The following RAPGEF2 variants were observed in gnomAD, a reference collection of about 807,000 sequenced individuals.
RAPGEF2 encodes the protein PDZ domain containing guanine nucleotide exchange factor (GEF) 1.
Under a neutral mutation model 186.7 loss-of-function variants are expected in RAPGEF2, and 54 were observed. The observed-to-expected ratio is 0.29, with a 90% CI of 0.23 to 0.36. The LOEUF (loss-of-function observed/expected upper bound fraction) is 0.36. Among genes scored for constraint, RAPGEF2 ranks in the 10% least tolerant of loss-of-function variants. The pLI is 1.00. For synonymous variants in RAPGEF2, 712 were observed against 705.9 expected (o/e 1.01, Z -0.14); for missense variants, 1,532 against 2,045.0 (o/e 0.75, Z 4.84).
chr4:159,222,916 TTA>T lies in RAPGEF2; in HGVS notation c.281+12351_281+12352del, dbSNP rs141718364. On this transcript the variant is annotated intron_variant, in intron 4 of 29. Coordinates refer to ENST00000691494, the MANE Select transcript of RAPGEF2 (RefSeq NM_001394067.2). ...AGGGACACTTTTATTATGAGTTGAA[TTA>T]TATATATATATATATATTTGAAGAC... is the stretch of plus-strand genomic sequence containing the variant. 5.9e-3 allele frequency among the ~76,000 whole-genome samples: 880 copies of T among 148,934 alleles called. 4 individuals are homozygous for T. Among genetic ancestry groups the T allele is most frequent in the Admixed American group, 8.2e-3 (122 of 14,962 alleles).
intron 6 of RAPGEF2, among the ~76,000 whole-genome samples, chr4:159,243,130 G>A (rs1464572222): frequency 6.7e-6 from 1 of 149,456 alleles, no homozygotes; most frequent in Non-Finnish European, 1.5e-5. Flanking sequence ...TTTTTTAAGT[G>A]GATTTTTAAG....
At chr4:159,351,276 CATCT>C (rs1731138896) in intron 26 of RAPGEF2, 1 of 1,305,870 alleles carries the variant, frequency 7.7e-7, no homozygotes, top group Non-Finnish European at 1.0e-6. Flanking sequence ...TCAAGTGCTC[CATCT>C]GAGTGATTTA....
At chr4:159,285,355 T>C (rs372667832) in intron 7 of RAPGEF2, among the ~76,000 whole-genome samples, 2 of 152,210 alleles carry the variant, frequency 1.3e-5, no homozygotes, top group African/African-American at 4.8e-5. Flanking sequence ...TTGATTTTAA[T>C]CTGAATTCTA....
intron 1 of RAPGEF2, among the ~76,000 whole-genome samples, chr4:159,166,395 T>C (rs1002642295): frequency 3.9e-5 from 6 of 152,192 alleles, no homozygotes; most frequent in Non-Finnish European, 8.8e-5. Context: ...AGACTGGGTG[T>C]GGCAGAGGCC....
Position 159,343,360 on chromosome 4 carries a change from A to G in RAPGEF2, c.3210A>G (p.Arg1070=). ...CAAAAGAAATTCGTCACGTTGGCCG[A>G]ATGGCTTCAGTGAACATGGACCCTG... ...MIAKEIRHVG[R]MASVNMDPAL... The change falls in exon 22 of 30, where the codon CGA becomes CGG. Residue 1070 remains arginine, a synonymous_variant. Coordinates refer to ENST00000691494, the MANE Select transcript of RAPGEF2 (RefSeq NM_001394067.2). 6.2e-7 allele frequency: 1 copy of G among 1,614,084 alleles called. No individual in the cohort carries two copies. The highest frequency in any genetic ancestry group is 8.5e-7 in the Non-Finnish European group (1 of 1,179,940).
chr4:159,342,563 T>TTTATA (rs1248703599), intron 20 of RAPGEF2, among the ~76,000 whole-genome samples: 1,044 of 94,224 alleles, frequency 0.011, 13 homozygotes, highest in African/African-American at 0.034. Flanking sequence ...ATTATTTTAT[T>TTTATA]TTATTTTATT....
chr4:159,356,549 G>A (rs1732039553), intron 29 of RAPGEF2, among the ~76,000 whole-genome samples: 1 of 152,162 alleles, frequency 6.6e-6, no homozygotes, highest in Admixed American at 6.5e-5. Context: ...GTGTTTATAT[G>A]ACTTGATTTC....
chr4:159,290,922 A>G (rs1477691810), intron 7 of RAPGEF2, among the ~76,000 whole-genome samples: 1 of 152,198 alleles, frequency 6.6e-6, no homozygotes, highest in African/African-American at 2.4e-5. Context: ...CTGGCATGCC[A>G]GGGTTGACAC....
At chr4:159,201,646 C>T (rs556266271) in intron 3 of RAPGEF2, among the ~76,000 whole-genome samples, 1 of 152,272 alleles carries the variant, frequency 6.6e-6, no homozygotes, top group East Asian at 1.9e-4. Context: ...TGAACTGTAG[C>T]AAAGGGTTTC....
intron 9 of RAPGEF2, among the ~76,000 whole-genome samples, chr4:159,320,392 T>C (rs1325048398): frequency 6.6e-6 from 1 of 152,206 alleles, no homozygotes; most frequent in African/African-American, 2.4e-5. Flanking sequence ...CTCCTACTCA[T>C]TCCAGAAATA....
At chr4:159,174,700 A>G (rs116750813) in intron 1 of RAPGEF2, among the ~76,000 whole-genome samples, 1,808 of 151,998 alleles carry the variant, frequency 0.012, 34 homozygotes, top group African/African-American at 0.041. Flanking sequence ...ACAAACAGGG[A>G]ATGACTTGAG....
intron 1 of RAPGEF2, among the ~76,000 whole-genome samples, chr4:159,145,050 G>A (rs1742790225): frequency 6.6e-6 from 1 of 151,612 alleles, no homozygotes; most frequent in Admixed American, 6.6e-5. Context: ...CAGTACACCT[G>A]GGTAGTTTTT....
intron 3 of RAPGEF2, among the ~76,000 whole-genome samples, chr4:159,196,685 G>A (rs368946189): frequency 1.3e-5 from 2 of 152,324 alleles, no homozygotes; most frequent in African/African-American, 2.4e-5. Flanking sequence ...ACATAAGCAC[G>A]TTAGTGCCAG....
intron 7 of RAPGEF2, among the ~76,000 whole-genome samples, chr4:159,253,751 G>A (rs1202860342): frequency 1.3e-5 from 2 of 151,940 alleles, no homozygotes; most frequent in African/African-American, 4.8e-5. Context: ...GGCGGATCAC[G>A]AGGTCAGGAG....
Position 159,126,548 on chromosome 4 carries a change from C to T in RAPGEF2, c.69+22317C>T, listed in dbSNP as rs143643792. On this transcript the variant is annotated intron_variant, in intron 1 of 29. Coordinates refer to ENST00000691494, the MANE Select transcript of RAPGEF2 (RefSeq NM_001394067.2). Reference sequence around the variant, plus strand: ...CCAGGTTTTAAAAAAAAAAAAAAGCCTGATGCCTCCCTGTCATCTCTCAGA... The same window carrying T: ...CCAGGTTTTAAAAAAAAAAAAAAGCTTGATGCCTCCCTGTCATCTCTCAGA... 4.9e-3 allele frequency among the ~76,000 whole-genome samples: 735 copies of T among 150,934 alleles called. 4 individuals carry two copies. The highest frequency in any genetic ancestry group is 0.017 in the African/African-American group (699 of 41,236).
chr4:159,175,677 T>C (rs1335583392), intron 1 of RAPGEF2, among the ~76,000 whole-genome samples: 1 of 152,192 alleles, frequency 6.6e-6, no homozygotes, highest in Non-Finnish European at 1.5e-5. Context: ...CGGCGACTGC[T>C]TTTGGGTTCT....
rs183006956 is a variant in RAPGEF2, at chr4:159,329,953, G to A, written c.1245G>A (p.Val415=). ...KVEEEGEIVM[V]KEHRELDRTG... Reference sequence around the variant, plus strand: ...AAGAGGAAGGAGAGATTGTTATGGTGAAAGAACACCGAGAACTTGATCGAA... The same window carrying A: ...AAGAGGAAGGAGAGATTGTTATGGTAAAAGAACACCGAGAACTTGATCGAA... The change falls in exon 12 of 30, where the codon GTG becomes GTA. Residue 415 remains valine, a synonymous_variant. Transcript: ENST00000691494. 5.0e-6 allele frequency: 8 copies of A among 1,613,230 alleles called. No homozygotes were observed. In the Admixed American group the frequency reaches 8.4e-5, roughly 17 times the overall value.
At chr4:159,176,159 G>T (rs1461522865) in intron 1 of RAPGEF2, among the ~76,000 whole-genome samples, 1 of 152,148 alleles carries the variant, frequency 6.6e-6, no homozygotes, top group African/African-American at 2.4e-5. Context: ...CTTTGTGTTA[G>T]GCTGTACCCA....
chr4:159,191,857 C>A (rs1748159580), intron 2 of RAPGEF2, among the ~76,000 whole-genome samples: 1 of 151,974 alleles, frequency 6.6e-6, no homozygotes, highest in South Asian at 2.1e-4. Flanking sequence ...GAGAGGAGTT[C>A]CGCCCACACG....
Sources: allele counts gnomAD v4.1 joint callset (sites outside exome capture counted in the v4.1 genomes callset), GRCh38; gene constraint gnomAD v4.1.1; transcripts MANE v1.5; gene names NCBI Gene and HGNC (gene_info 2026-07-23, HGNC 2026-07-21).